Variants in SH3PXD2A observed in about 807,000 individuals in gnomAD.
SH3PXD2A encodes the protein SH3 and PX domain-containing protein 2A.
In SH3PXD2A, 32 loss-of-function variants were observed where a neutral mutation model predicts 115.2. The ratio of observed to expected loss-of-function variants is 0.28; its 90% CI spans 0.21 to 0.37. The LOEUF (loss-of-function observed/expected upper bound fraction) is 0.37. Ranked by LOEUF, SH3PXD2A falls within the 10% of genes least tolerant of loss-of-function variation. SH3PXD2A has a pLI of 1.00. For missense variants in SH3PXD2A, 1,328 were observed against 1,498.7 expected (o/e 0.89, Z 1.88); for synonymous variants, 610 against 629.1 (o/e 0.97, Z 0.45).
chr10:103,811,810 A>G (rs1424890313), intron 1 of SH3PXD2A, among the ~76,000 whole-genome samples: 1 of 152,184 alleles, frequency 6.6e-6, no homozygotes, highest in Non-Finnish European at 1.5e-5. Context: ...GATCAATTTC[A>G]TGAAAAGTTA....
intron 4 of SH3PXD2A, among the ~76,000 whole-genome samples, chr10:103,729,752 C>T (rs1036071277): frequency 1.1e-4 from 17 of 152,112 alleles, no homozygotes; most frequent in Non-Finnish European, 2.4e-4. Context: ...AACTGGGTCG[C>T]GGGGACTGGT....
At chr10:103,810,933 TGGACACAGGCGCGCGCGCGCACACACAC>T (rs2039262498) in intron 1 of SH3PXD2A, among the ~76,000 whole-genome samples, 8 of 4,452 alleles carry the variant, frequency 1.8e-3, no homozygotes, top group African/African-American at 5.3e-3. Context: ...GACACACACA[TGGACACAGGCGCGCGCGCGCACACACAC>T]ACACACACAC....
intron 3 of SH3PXD2A, among the ~76,000 whole-genome samples, chr10:103,763,899 C>T (rs1034181630): frequency 3.3e-5 from 5 of 152,218 alleles, no homozygotes; most frequent in African/African-American, 9.7e-5. Flanking sequence ...CAGAGCTCCC[C>T]GTGGGATCAG....
intron 7 of SH3PXD2A, among the ~76,000 whole-genome samples, chr10:103,662,342 G>GGGGT (rs55817801): frequency 2.7e-5 from 1 of 36,564 alleles, no homozygotes; most frequent in South Asian, 1.3e-3. Context: ...CATTATTGGC[G>GGGGT]GGGGGGGGGG....
At chr10:103,754,049 A>G (rs547493100) in intron 3 of SH3PXD2A, 3 of 152,358 alleles carry the variant, frequency 2.0e-5, no homozygotes, top group African/African-American at 4.8e-5. Context: ...TGTGCCAATC[A>G]GAGAAGAATT....
At chr10:103,798,269 T>G (rs1304399253) in intron 2 of SH3PXD2A, among the ~76,000 whole-genome samples, 1 of 152,164 alleles carries the variant, frequency 6.6e-6, no homozygotes, top group Non-Finnish European at 1.5e-5. Context: ...TAGTACCGGG[T>G]GTGAATGTAT....
chr10:103,680,348 TCA>T (rs1206336499), intron 6 of SH3PXD2A, among the ~76,000 whole-genome samples: 3 of 152,026 alleles, frequency 2.0e-5, no homozygotes, highest in Non-Finnish European at 2.9e-5. Context: ...AGTGGTGCGA[TCA>T]CCATTCACTG....
rs933575475 is a variant in SH3PXD2A at position 103,803,596 on chromosome 10, G to C, written c.73-2234C>G. ...GAAGTTACACAGCTAATAAATTACA[G>C]AGCAAAAGATTTGAACCCAGGTCTA... is the stretch of plus-strand genomic sequence containing the variant. On this transcript the variant is annotated intron_variant, in intron 1 of 14. Transcript: ENST00000369774. Among the ~76,000 whole-genome samples the C allele has an allele frequency of 3.3e-5, 5 of 152,256 alleles. No individual in the cohort carries two copies. The South Asian group carries it at 6.2e-4, about 19-fold the overall frequency.
chr10:103,688,317 C>A (rs1319685894), intron 6 of SH3PXD2A, among the ~76,000 whole-genome samples: 1 of 152,234 alleles, frequency 6.6e-6, no homozygotes, highest in East Asian at 1.9e-4. Context: ...TGCTTTCTTC[C>A]ATCCACCCAC....
At chr10:103,686,521 G>A (rs1410618801) in intron 6 of SH3PXD2A, among the ~76,000 whole-genome samples, 4 of 152,184 alleles carry the variant, frequency 2.6e-5, no homozygotes, top group Non-Finnish European at 5.9e-5. Context: ...CCTTGGGGAA[G>A]CAACAACAGC....
intron 2 of SH3PXD2A, among the ~76,000 whole-genome samples, chr10:103,775,325 G>A (rs757173876): frequency 3.3e-5 from 5 of 152,192 alleles, no homozygotes; most frequent in Non-Finnish European, 7.3e-5. Context: ...GTCAGTCATG[G>A]TCTGTGATCC....
At chr10:103,762,966 G>A (rs992881229) in intron 3 of SH3PXD2A, among the ~76,000 whole-genome samples, 2 of 151,030 alleles carry the variant, frequency 1.3e-5, no homozygotes, top group African/African-American at 4.9e-5. Context: ...AGCCCTGTCT[G>A]GGTCAGCTTC....
chr10:103,799,527 C>T (rs2039127587), intron 2 of SH3PXD2A, among the ~76,000 whole-genome samples: 1 of 152,254 alleles, frequency 6.6e-6, no homozygotes, highest in Admixed American at 6.5e-5. Flanking sequence ...CCCCTTTCCA[C>T]ACACAGGGAA....
intron 2 of SH3PXD2A, among the ~76,000 whole-genome samples, chr10:103,780,568 G>C (rs1468791069): frequency 6.6e-6 from 1 of 152,124 alleles, no homozygotes; most frequent in Non-Finnish European, 1.5e-5. Context: ...CTCAGGAGAG[G>C]GCAATGAAAG....
chr10:103,805,812 C>T (rs1396887262), intron 1 of SH3PXD2A, among the ~76,000 whole-genome samples: 2 of 152,232 alleles, frequency 1.3e-5, no homozygotes, highest in African/African-American at 4.8e-5. Flanking sequence ...TCGCTTGAGC[C>T]CAGGAGTTTG....
intron 2 of SH3PXD2A, 52 bp downstream of exon 2, chr10:103,801,230 G>T: frequency 8.9e-7 from 1 of 1,127,246 alleles, no homozygotes; most frequent in Non-Finnish European, 1.4e-6. Context: ...GTATGAGAGA[G>T]GCCAGCCCAC....
In SH3PXD2A at chr10:103,814,220, T is replaced by G. The variant is rs558904941; in HGVS notation, c.73-12858A>C. Among the ~76,000 whole-genome samples the G allele has an allele frequency of 1.2e-3, 190 of 152,286 alleles. 1 individual carries two copies. The highest frequency in any genetic ancestry group is 4.4e-3 in the African/African-American group (181 of 41,548). On this transcript the variant is annotated intron_variant, in intron 1 of 14. Transcript: ENST00000369774. ...AGACTCGAGTTCCTTCGTTCTGAGCTGTGGCTGTGCTGGGGCTTTCTTTGG... is the reference window on the plus strand; with the variant it reads ...AGACTCGAGTTCCTTCGTTCTGAGCGGTGGCTGTGCTGGGGCTTTCTTTGG...
At chr10:103,662,342 G>GGGGC (rs55817801) in intron 7 of SH3PXD2A, among the ~76,000 whole-genome samples, 1 of 36,602 alleles carries the variant, frequency 2.7e-5, no homozygotes, top group African/African-American at 1.2e-4. Context: ...CATTATTGGC[G>GGGGC]GGGGGGGGGG....
rs1318351814 is a variant in SH3PXD2A, at chr10:103,814,011, AAAAACAAC to A, written c.73-12657_73-12650del. On this transcript the variant is annotated intron_variant, in intron 1 of 14. Transcript: ENST00000369774. The stretch of plus-strand genomic sequence containing the variant: ...CCACTGGACTAGCTAAAAAAAAAAA[AAAAACAAC>A]AAAAAAAAAACCACACCCTTTTAAT... Among the ~76,000 whole-genome samples, 682 of 135,392 alleles carry A rather than the reference AAAAACAAC, an allele frequency of 5.0e-3. 3 individuals carry two copies. Among genetic ancestry groups the A allele is most frequent in the African/African-American group, 0.015 (541 of 36,828 alleles). 88.8% of individuals were successfully genotyped at this position (135,392 alleles called of 152,430 possible). A position where few individuals can be genotyped will look rare whatever the true frequency, so the allele number is the denominator to read the frequency against.
Sources: allele counts gnomAD v4.1 joint callset (sites outside exome capture counted in the v4.1 genomes callset), GRCh38; gene constraint gnomAD v4.1.1; transcripts MANE v1.5; gene names NCBI Gene and HGNC (gene_info 2026-07-23, HGNC 2026-07-21).